ELAPOR1: variants seen among roughly 807,000 people sequenced by gnomAD.
ELAPOR1 encodes the protein endosome/lysosome-associated apoptosis and autophagy regulator 1.
ELAPOR1 carries 77 observed loss-of-function variants against 119.7 expected under a neutral mutation model. The observed-to-expected ratio is 0.64, with a 90% CI of 0.54 to 0.78. ELAPOR1 has a LOEUF of 0.78. ELAPOR1 is among the 30% of genes least tolerant of loss of function. The pLI is 0.00. For missense variants in ELAPOR1, 1,115 were observed against 1,270.4 expected (o/e 0.88, Z 1.86); for synonymous variants, 481 against 487.2 (o/e 0.99, Z 0.17).
In ELAPOR1 at chr1:109,189,610, A is replaced by G. The variant is rs750139096; in HGVS notation, c.1367A>G (p.Asp456Gly). 4 of 1,613,992 alleles carry G rather than the reference A, an allele frequency of 2.5e-6. No homozygotes were observed. In the East Asian group the frequency reaches 8.9e-5, roughly 36 times the overall value. The change falls in exon 11 of 22, where the codon GAT (aspartate) becomes GGT (glycine). Residue 456 changes from aspartate to glycine, a missense_variant. By Grantham distance (94) the Asp-to-Gly change is moderately conservative. Transcript: ENST00000369939. ...KGMTGWEVAGDHIYTAAGASD... is the reference protein window; with the variant it reads ...KGMTGWEVAGGHIYTAAGASD... Reference sequence around the variant, plus strand: ...TTTTCAGGCTGGGAGGTGGCTGGTGATCACATTTACACAGCTGCTGGAGCC... The same window carrying G: ...TTTTCAGGCTGGGAGGTGGCTGGTGGTCACATTTACACAGCTGCTGGAGCC...
chr1:109,158,309 C>CTTTTTTTTTTTTTT (rs386368020), intron 1 of ELAPOR1, among the ~76,000 whole-genome samples: 1 of 131,642 alleles, frequency 7.6e-6, no homozygotes, highest in African/African-American at 2.8e-5. Context: ...TGACAGTTTT[C>CTTTTTTTTTTTTTT]TTTTTTTTTT....
chr1:109,175,388 G>T (rs530503880), intron 7 of ELAPOR1, among the ~76,000 whole-genome samples: 1 of 148,452 alleles, frequency 6.7e-6, no homozygotes, highest in East Asian at 2.1e-4. Flanking sequence ...TTTTAGTAGC[G>T]ACAGGGTTTC....
At chr1:109,145,977 A>G (rs1650151563) in intron 1 of ELAPOR1, among the ~76,000 whole-genome samples, 2 of 152,340 alleles carry the variant, frequency 1.3e-5, no homozygotes, top group Middle Eastern at 6.8e-3. Context: ...CAAAGGCAAT[A>G]TTCAAAGAGA....
rs1654500231 is a variant in ELAPOR1 at position 109,206,451 on chromosome 1, C to T, written c.*3439C>T. 6.6e-6 allele frequency: 1 copy of T among 152,192 alleles called. No homozygotes were observed. The highest frequency in any genetic ancestry group is 2.4e-5 in the African/African-American group (1 of 41,452). 9.4% of individuals were successfully genotyped at this position (152,192 alleles called of 1,614,324 possible). A position where few individuals can be genotyped will look rare whatever the true frequency, so the allele number is the denominator to read the frequency against. On this transcript the variant is annotated 3_prime_UTR_variant, in exon 22 of 22. Transcript: ENST00000369939. ...TGGTTACCTTGAGTCCTGGAACATG[C>T]AGTAACTGTCATGCTATAGACATCA...
At chr1:109,171,091 A>G (rs1463673197) in intron 3 of ELAPOR1, among the ~76,000 whole-genome samples, 2 of 152,218 alleles carry the variant, frequency 1.3e-5, no homozygotes, top group African/African-American at 4.8e-5. Context: ...ACCTGATTTC[A>G]GCCCTGCCAC....
At chr1:109,144,777 C>T (rs953144290) in intron 1 of ELAPOR1, among the ~76,000 whole-genome samples, 2 of 152,064 alleles carry the variant, frequency 1.3e-5, no homozygotes, top group African/African-American at 4.8e-5. Flanking sequence ...TAGGATTGGC[C>T]TTTTCTCTCA....
At chr1:109,161,767 C>G in intron 1 of ELAPOR1, 127 bp from the exon 2 acceptor site, 2 of 1,127,736 alleles carry the variant, frequency 1.8e-6, no homozygotes, top group South Asian at 1.5e-5. Context: ...AGCTCCCTGC[C>G]CGGGGTCCCA....
At position 109,132,495 on chromosome 1, in the gene ELAPOR1, A is replaced by G. The variant is rs143233848; in HGVS notation, c.153+18159A>G. Among the ~76,000 whole-genome samples the G allele has an allele frequency of 3.5e-3, 538 of 152,298 alleles. 2 individuals are homozygous for G. The highest frequency in any genetic ancestry group is 6.0e-3 in the East Asian group (31 of 5,186). On this transcript the variant is annotated intron_variant, in intron 1 of 21. Coordinates refer to ENST00000369939, the MANE Select transcript of ELAPOR1 (RefSeq NM_020775.5). ...TTGTAGTCTAATGGGAGAGGTACAT[A>G]TTAATCAAATCATATAAGGATAAAA...
chr1:109,121,974 A>T (rs920934177), intron 1 of ELAPOR1, among the ~76,000 whole-genome samples: 8 of 151,124 alleles, frequency 5.3e-5, no homozygotes, highest in African/African-American at 1.9e-4. Context: ...GGGTTACATC[A>T]TATTGGCTAG....
In ELAPOR1 at chr1:109,200,869, T is replaced by C. The variant is rs775563247; in HGVS notation, c.2942T>C (p.Leu981Pro). ...CTCATCTTTACCAGCAAGAAGTCAC[T>C]CTTTGGGAAGATCAAATCATTTACC... ...DDLIFTSKKS[L>P]FGKIKSFTSK... Residue 981 changes from leucine to proline, a missense_variant, in exon 21 of 22, where the codon CTC becomes CCC. Leu to Pro is a moderately conservative substitution (Grantham distance 98, BLOSUM62 -3). Transcript: ENST00000369939. 6.2e-7 allele frequency: 1 copy of C among 1,614,190 alleles called. No individual in the cohort carries two copies. The highest frequency in any genetic ancestry group is 8.5e-7 in the Non-Finnish European group (1 of 1,180,022).
rs188608977 is a variant in ELAPOR1 at position 109,182,782 on chromosome 1, G to T, written c.953-2263G>T. On this transcript the variant is annotated intron_variant, in intron 7 of 21. Transcript: ENST00000369939. Reference sequence around the variant, plus strand: ...CTTGGAAGGCTGAGGCAGGAGAATGGCGTGAACCCGGGAGGCGGAGCTTGC... The same window carrying T: ...CTTGGAAGGCTGAGGCAGGAGAATGTCGTGAACCCGGGAGGCGGAGCTTGC... 7.2e-3 allele frequency among the ~76,000 whole-genome samples: 1,087 copies of T among 151,744 alleles called. 2 individuals are homozygous for T. Among genetic ancestry groups the T allele is most frequent in the Non-Finnish European group, 0.011 (749 of 67,902 alleles).
At chr1:109,195,982 C>G (rs1653770841) in intron 15 of ELAPOR1, among the ~76,000 whole-genome samples, 1 of 152,236 alleles carries the variant, frequency 6.6e-6, no homozygotes, top group Admixed American at 6.5e-5. Context: ...ATGGTGAAAC[C>G]CTGTTTCTAC....
chr1:109,201,319 G>T (rs1404682256), intron 21 of ELAPOR1: 2 of 457,168 alleles, frequency 4.4e-6, no homozygotes, highest in Admixed American at 4.7e-5. Context: ...TGTCTTCCAG[G>T]TGTCTGGGTC....
chr1:109,125,626 T>C (rs1040418986), intron 1 of ELAPOR1, among the ~76,000 whole-genome samples: 3 of 140,928 alleles, frequency 2.1e-5, no homozygotes, highest in Non-Finnish European at 3.1e-5. Context: ...CCTTGTGATC[T>C]GCCCGCCTTG....
rs146064248 is a variant in ELAPOR1, at chr1:109,121,828, C to T, written c.153+7492C>T. On this transcript the variant is annotated intron_variant, in intron 1 of 21. Transcript: ENST00000369939. ...TCTCTCTGTCACCCAGGCTGGAGTG[C>T]AGTGGCATGATCTCAGCTCACTGCA... is the stretch of plus-strand genomic sequence containing the variant. Among the ~76,000 whole-genome samples, 9 of 148,026 alleles carry T rather than the reference C, an allele frequency of 6.1e-5. No individual in the cohort carries two copies. In the East Asian group the frequency reaches 1.4e-3, roughly 23 times the overall value.
chr1:109,145,062 C>CT (rs1340053344), intron 1 of ELAPOR1, among the ~76,000 whole-genome samples: 2 of 151,918 alleles, frequency 1.3e-5, no homozygotes, highest in African/African-American at 2.4e-5. Context: ...GATCTGCTTG[C>CT]TGGGGAAAGG....
intron 7 of ELAPOR1, among the ~76,000 whole-genome samples, chr1:109,184,181 G>T (rs1652913759): frequency 6.6e-6 from 1 of 152,180 alleles, no homozygotes; most frequent in African/African-American, 2.4e-5. Flanking sequence ...AGACCAGCCT[G>T]ACCAACATGG....
chr1:109,121,417 A>G (rs1457807869), intron 1 of ELAPOR1, among the ~76,000 whole-genome samples: 1 of 152,132 alleles, frequency 6.6e-6, no homozygotes, highest in East Asian at 1.9e-4. Context: ...AAAGTGCGTG[A>G]GCCACTGTGC....
At chr1:109,162,230 T>A (rs1193234046) in intron 2 of ELAPOR1, among the ~76,000 whole-genome samples, 1 of 152,268 alleles carries the variant, frequency 6.6e-6, no homozygotes, top group Non-Finnish European at 1.5e-5. Flanking sequence ...TTTCATTTTT[T>A]AAAGGAATTT....
Sources: allele counts gnomAD v4.1 joint callset (sites outside exome capture counted in the v4.1 genomes callset), GRCh38; gene constraint gnomAD v4.1.1; transcripts MANE v1.5; gene names NCBI Gene and HGNC (gene_info 2026-07-23, HGNC 2026-07-21).